Variants in IL1RAPL2 observed in about 807,000 individuals in gnomAD.
IL1RAPL2 encodes interleukin 1 receptor accessory protein like 2.
Under a neutral mutation model 44.1 loss-of-function variants are expected in IL1RAPL2, and 3 were observed. The observed-to-expected ratio is 0.07, with a 90% CI of 0.03 to 0.18. The LOEUF is 0.18. Ranked by LOEUF, IL1RAPL2 falls within the 10% of genes least tolerant of loss-of-function variation. IL1RAPL2 has a pLI of 1.00. For synonymous variants in IL1RAPL2, 181 were observed against 178.8 expected (o/e 1.01, Z -0.10); for missense variants, 391 against 496.4 (o/e 0.79, Z 2.02).
intron 2 of IL1RAPL2, among the ~76,000 whole-genome samples, chrX:105,058,788 T>G (rs1331708304): frequency 9.0e-6 from 1 of 111,241 alleles, no homozygotes; most frequent in African/African-American, 3.3e-5. Flanking sequence ...AGGAAAAAAA[T>G]TTTCTGTTAA....
At chrX:104,707,952 C>T (rs1931389586) in intron 2 of IL1RAPL2, among the ~76,000 whole-genome samples, 1 of 111,603 alleles carries the variant, frequency 9.0e-6, no homozygotes, top group Admixed American at 9.5e-5. Flanking sequence ...TGTCACCCTC[C>T]CCACTATTTG....
At chrX:105,288,223 A>G (rs1196586642) in intron 5 of IL1RAPL2, among the ~76,000 whole-genome samples, 1 of 110,895 alleles carries the variant, frequency 9.0e-6, no homozygotes, top group Non-Finnish European at 1.9e-5. Flanking sequence ...ACCTGGTTGT[A>G]TATTCCATGG....
At chrX:105,017,916 G>C (rs762363025) in intron 2 of IL1RAPL2, among the ~76,000 whole-genome samples, 1 of 112,100 alleles carries the variant, frequency 8.9e-6, no homozygotes, top group East Asian at 2.9e-4. Flanking sequence ...CCAGCAAATA[G>C]TGGACTGCAA....
intron 1 of IL1RAPL2, among the ~76,000 whole-genome samples, chrX:104,585,363 A>AATATATATAT (rs1928531456): frequency 4.2e-5 from 1 of 23,975 alleles, no homozygotes; most frequent in Non-Finnish European, 5.6e-5. Context: ...TATATATATT[A>AATATATATAT]TATATATTAT....
At chrX:104,702,247 T>G (rs975209988) in intron 2 of IL1RAPL2, among the ~76,000 whole-genome samples, 1 of 111,671 alleles carries the variant, frequency 9.0e-6, no homozygotes, top group African/African-American at 3.3e-5. Flanking sequence ...TTATATAAAT[T>G]GAATTGTCTT....
intron 2 of IL1RAPL2, among the ~76,000 whole-genome samples, chrX:104,748,627 C>G (rs1319421674): frequency 9.0e-6 from 1 of 111,204 alleles, no homozygotes; most frequent in Non-Finnish European, 1.9e-5. Context: ...ATGGGAAGGC[C>G]TATATGGGGA....
At chrX:105,607,946 G>A (rs975469083) in intron 6 of IL1RAPL2, among the ~76,000 whole-genome samples, 37 of 111,013 alleles carry the variant, frequency 3.3e-4, no homozygotes, top group Admixed American at 5.8e-4. Flanking sequence ...TTTGGCAGAA[G>A]TGTGAAGATG....
rs1279870482 is a variant in IL1RAPL2 at position 104,987,945 on chromosome X, A to G, written c.83-207530A>G. 2.7e-5 allele frequency among the ~76,000 whole-genome samples: 3 copies of G among 111,767 alleles called. No homozygotes were observed. In the Admixed American group the frequency reaches 2.9e-4, roughly 11 times the overall value. ...GGAAATTTTCAGTGTTTTTCTTTCT[A>G]AATGCTTAGTTTATCTTGCCCACCA... On this transcript the variant is annotated intron_variant, in intron 2 of 10. Coordinates refer to ENST00000372582, the MANE Select transcript of IL1RAPL2 (RefSeq NM_017416.2).
intron 5 of IL1RAPL2, among the ~76,000 whole-genome samples, chrX:105,404,881 G>C (rs1656117240): frequency 9.0e-6 from 1 of 111,705 alleles, no homozygotes; most frequent in African/African-American, 3.3e-5. Flanking sequence ...GATTTTATTT[G>C]CTACTACATA....
intron 2 of IL1RAPL2, among the ~76,000 whole-genome samples, chrX:104,693,270 G>A (rs191674099): frequency 3.0e-4 from 33 of 111,235 alleles, no homozygotes; most frequent in Middle Eastern, 4.7e-3. Context: ...TCAAAGATTG[G>A]CAAGATTGGC....
intron 1 of IL1RAPL2, among the ~76,000 whole-genome samples, chrX:104,653,349 G>T (rs1930188467): frequency 9.0e-6 from 1 of 111,293 alleles, no homozygotes; most frequent in Admixed American, 9.5e-5. Flanking sequence ...ATATATGGCT[G>T]TGTGTTGGGA....
chrX:104,876,795 T>C (rs1215155168), intron 2 of IL1RAPL2, among the ~76,000 whole-genome samples: 2 of 107,764 alleles, frequency 1.9e-5, no homozygotes, highest in African/African-American at 6.8e-5. Flanking sequence ...TAGTTACATA[T>C]GTATACATGT....
chrX:105,575,171 T>A (rs1285295860), intron 6 of IL1RAPL2, among the ~76,000 whole-genome samples: 4 of 112,183 alleles, frequency 3.6e-5, no homozygotes, highest in Non-Finnish European at 7.5e-5. Flanking sequence ...ACTTTTAATT[T>A]TTTAATTTCC....
chrX:105,428,328 T>C (rs2035825226), intron 5 of IL1RAPL2, among the ~76,000 whole-genome samples: 1 of 111,875 alleles, frequency 8.9e-6, no homozygotes. Context: ...TAAATTTTAC[T>C]AACTCCTGGA....
chrX:104,628,678 T>C (rs1157962371), intron 1 of IL1RAPL2, among the ~76,000 whole-genome samples: 1 of 111,852 alleles, frequency 8.9e-6, no homozygotes, highest in African/African-American at 3.2e-5. Flanking sequence ...CTGGATTGTA[T>C]GGTAGTTTTA....
At chrX:105,034,855 T>G (rs148437336) in intron 2 of IL1RAPL2, among the ~76,000 whole-genome samples, 7,116 of 112,153 alleles carry the variant, frequency 0.063, 600 homozygotes, top group African/African-American at 0.22. Flanking sequence ...GCCTACAGAA[T>G]CAGGAAGGCC....
At chrX:105,360,736 A>ATGTT (rs1401325610) in intron 5 of IL1RAPL2, among the ~76,000 whole-genome samples, 2 of 111,196 alleles carry the variant, frequency 1.8e-5, no homozygotes, top group African/African-American at 6.5e-5. Context: ...CTTGACTGGC[A>ATGTT]TGTTTGAGAG....
At chrX:104,616,288 A>G (rs1226711372) in intron 1 of IL1RAPL2, among the ~76,000 whole-genome samples, 1 of 111,976 alleles carries the variant, frequency 8.9e-6, no homozygotes, top group Admixed American at 9.5e-5. Context: ...TATGATGGAG[A>G]CAGTGAAATA....
chrX:105,658,079 ATTAGTC>A lies in IL1RAPL2; in HGVS notation c.773-59286_773-59281del, dbSNP rs1338880443. 4.5e-5 allele frequency among the ~76,000 whole-genome samples: 5 copies of A among 111,533 alleles called. 1 individual carries two copies. In the South Asian group the frequency reaches 1.1e-3, roughly 25 times the overall value. On this transcript the variant is annotated intron_variant, in intron 6 of 10. Transcript: ENST00000372582. ...CGACTGGACCTTAGAGTATAATACT[ATTAGTC>A]TATGTGAACTATTAAAGTACATTAA...
Sources: allele counts gnomAD v4.1 joint callset (sites outside exome capture counted in the v4.1 genomes callset), GRCh38; gene constraint gnomAD v4.1.1; transcripts MANE v1.5; gene names NCBI Gene and HGNC (gene_info 2026-07-23, HGNC 2026-07-21).